The following MTSS2 variants were observed in gnomAD, a reference collection of about 807,000 sequenced individuals.
MTSS2 encodes protein MTSS 2.
In MTSS2, 27 loss-of-function variants were observed where a neutral mutation model predicts 67.1. The ratio of observed to expected loss-of-function variants is 0.40; its 90% confidence interval spans 0.30 to 0.55. MTSS2 has a LOEUF of 0.55. Ranked by LOEUF, MTSS2 falls within the 20% of genes least tolerant of loss-of-function variation. MTSS2 has a pLI of 0.43. For missense variants in MTSS2, 1,171 were observed against 1,067.8 expected (o/e 1.10, Z -1.35); for synonymous variants, 624 against 468.6 (o/e 1.33, Z -4.28).
intron 11 of MTSS2, among the ~76,000 whole-genome samples, chr16:70,671,993 G>T (rs2052952705): frequency 1.3e-5 from 2 of 152,142 alleles, no homozygotes; most frequent in Admixed American, 1.3e-4. Context: ...AAACAAAGAG[G>T]GACAGGTGTG....
At chr16:70,668,380 C>T (rs1054341666) in intron 11 of MTSS2, among the ~76,000 whole-genome samples, 17 of 150,608 alleles carry the variant, frequency 1.1e-4, no homozygotes, top group Non-Finnish European at 4.4e-5. Flanking sequence ...TGCACTCCAG[C>T]CTGGGGGACA....
intron 9 of MTSS2, among the ~76,000 whole-genome samples, chr16:70,677,571 TCTA>T (rs1352732016): frequency 6.6e-6 from 1 of 152,164 alleles, no homozygotes; most frequent in Non-Finnish European, 1.5e-5. Flanking sequence ...ACTTCACCCA[TCTA>T]CTCTGAGTCT....
At position 70,663,536 on chromosome 16, in the gene MTSS2, G is replaced by C. The variant is rs1225255717; in HGVS notation, c.*141C>G. On this transcript the variant is annotated 3_prime_UTR_variant, in exon 15 of 15. Transcript: ENST00000338779. ...TGTTTAAATGCTGGAATCCAAGTGA[G>C]GTGTCTTTCCATAAAGTGGCATGGC... 7.3e-7 allele frequency: 1 copy of C among 1,373,188 alleles called. No homozygotes were observed. Among genetic ancestry groups the C allele is most frequent in the Non-Finnish European group, 9.5e-7 (1 of 1,047,292 alleles). 85.1% of individuals were successfully genotyped at this position (1,373,188 alleles called of 1,614,324 possible).
Position 70,674,432 on chromosome 16 carries a change from G to T in MTSS2, c.927C>A (p.Ser309Arg), listed in dbSNP as rs559783450. Residue 309 changes from serine to arginine, a missense_variant, in exon 11 of 15, where the codon AGC becomes AGA. Ser to Arg is a moderately radical substitution (Grantham distance 110). This residue lies in a region of MTSS2 where 924 missense variants were observed against 756.0 expected (regional missense o/e 1.22). Transcript: ENST00000338779. The part of the protein sequence containing the change: ...YSPSSTCRYR[S>R]LAQPATTTAR... ...CGGTGGTGGTGGCTGGCTGCGCCAG[G>T]CTGCGGTAGCGACAGGTGGAACTGG... The T allele has an allele frequency of 1.9e-6, 3 of 1,614,098 alleles. No homozygotes were observed. Among genetic ancestry groups the T allele is most frequent in the African/African-American group, 2.7e-5 (2 of 74,952 alleles).
chr16:70,678,303 G>A lies in MTSS2; in HGVS notation c.573C>T (p.Ile191=), dbSNP rs3813907. The A allele has an allele frequency of 5.0e-6, 8 of 1,612,324 alleles. No individual in the cohort carries two copies. Among genetic ancestry groups the A allele is most frequent in the African/African-American group, 4.0e-5 (3 of 74,946 alleles). ...TEKQAVRRAL[I]EERGRFCTFI... Reference sequence around the variant, plus strand: ...AGGTGCAGAAGCGGCCCCGCTCCTCGATCAGCGCCCGGCGCACGGCCTGCT... The same window carrying A: ...AGGTGCAGAAGCGGCCCCGCTCCTCAATCAGCGCCCGGCGCACGGCCTGCT... The change falls in exon 8 of 15, where the codon ATC becomes ATT. Residue 191 remains isoleucine, a synonymous_variant. Coordinates refer to ENST00000338779, the MANE Select transcript of MTSS2 (RefSeq NM_138383.3).
At position 70,663,763 on chromosome 16, in the gene MTSS2, C is replaced by A; in HGVS notation, c.2158G>T (p.Ala720Ser). The part of the protein sequence containing the change: ...PPPAATSDPP[A>S]EDMLVAIRRG... Reference sequence around the variant, plus strand: ...CGGATGGCCACCAGCATGTCTTCGGCCGGGGGGTCGCTGGTGGCGGCTGGG... The same window carrying A: ...CGGATGGCCACCAGCATGTCTTCGGACGGGGGGTCGCTGGTGGCGGCTGGG... The change falls in exon 15 of 15, where the codon GCC becomes TCC. Residue 720 changes from alanine to serine, a missense_variant. Transcript: ENST00000338779. 2 of 1,540,490 alleles carry A rather than the reference C, an allele frequency of 1.3e-6. No homozygotes were observed. Among genetic ancestry groups the A allele is most frequent in the Non-Finnish European group, 8.7e-7 (1 of 1,146,084 alleles).
At chr16:70,679,153 G>A (rs939654838) in intron 7 of MTSS2, among the ~76,000 whole-genome samples, 162 bp downstream of exon 7, 1 of 152,070 alleles carries the variant, frequency 6.6e-6, no homozygotes, top group Admixed American at 6.5e-5. Context: ...GACCCCGGGG[G>A]CCCCAGGGGG....
At chr16:70,675,973 C>T (rs1453808513) in intron 10 of MTSS2, among the ~76,000 whole-genome samples, 2 of 152,224 alleles carry the variant, frequency 1.3e-5, no homozygotes, top group African/African-American at 2.4e-5. Flanking sequence ...AGCCTCTGCC[C>T]CTGCTCATGG....
intron 11 of MTSS2, among the ~76,000 whole-genome samples, chr16:70,674,002 A>G (rs186387936): frequency 3.0e-4 from 46 of 152,364 alleles, no homozygotes; most frequent in African/African-American, 1.0e-3. Context: ...TATGTCAGTA[A>G]ATACAAAGGG....
chr16:70,683,814 G>T (rs1324225922), intron 1 of MTSS2, among the ~76,000 whole-genome samples: 2 of 152,202 alleles, frequency 1.3e-5, no homozygotes, highest in African/African-American at 4.8e-5. Context: ...GCCACCGAGG[G>T]GAAAATCCAG....
intron 3 of MTSS2, among the ~76,000 whole-genome samples, chr16:70,680,587 T>G (rs1407628134): frequency 6.6e-6 from 1 of 151,956 alleles, no homozygotes; most frequent in Non-Finnish European, 1.5e-5. Context: ...CGGGGAACAC[T>G]CCTGTCACTA....
At chr16:70,682,687 G>A (rs2053338231) in intron 1 of MTSS2, among the ~76,000 whole-genome samples, 1 of 147,336 alleles carries the variant, frequency 6.8e-6, no homozygotes, top group African/African-American at 2.5e-5. Context: ...GGACCCCAGA[G>A]ACAAAGAGCT....
intron 11 of MTSS2, among the ~76,000 whole-genome samples, chr16:70,673,162 T>TCAAAACAAAA (rs771651539): frequency 2.6e-5 from 4 of 151,812 alleles, no homozygotes; most frequent in African/African-American, 9.7e-5. Flanking sequence ...AGATCGTGTC[T>TCAAAACAAAA]CAAAACAAAA....
At chr16:70,680,510 A>C (rs774356854) in intron 3 of MTSS2, among the ~76,000 whole-genome samples, 10 of 152,186 alleles carry the variant, frequency 6.6e-5, no homozygotes, top group Non-Finnish European at 1.2e-4. Flanking sequence ...ATGAGTGGGA[A>C]GAAGCCCTAA....
At chr16:70,678,014 T>G in intron 8 of MTSS2, 115 bp from the exon 9 acceptor site, 1 of 1,005,852 alleles carries the variant, frequency 9.9e-7, no homozygotes, top group Non-Finnish European at 1.5e-6. Context: ...CCCTCCTCGC[T>G]AACCAATGCT....
intron 8 of MTSS2, 132 bp from the exon 9 acceptor site, chr16:70,678,031 G>T: frequency 1.0e-6 from 1 of 959,914 alleles, no homozygotes; most frequent in Non-Finnish European, 1.6e-6. Context: ...TGCTGCTCGG[G>T]GCTGGTGCAG....
At chr16:70,674,283 T>C in intron 11 of MTSS2, 23 bp downstream of exon 11, 1 of 1,606,546 alleles carries the variant, frequency 6.2e-7, no homozygotes, top group Non-Finnish European at 8.5e-7. Flanking sequence ...CCACCCTGAC[T>C]GATCCTCCTA....
chr16:70,672,234 C>G (rs1597810278), intron 11 of MTSS2, among the ~76,000 whole-genome samples: 1 of 150,976 alleles, frequency 6.6e-6, no homozygotes, highest in South Asian at 2.1e-4. Context: ...GTAATCCCAG[C>G]TACTTGGGAG....
chr16:70,679,898 C>G (rs1597824887), intron 4 of MTSS2, 21 bp from the exon 5 acceptor site: 1 of 1,580,244 alleles, frequency 6.3e-7, no homozygotes, highest in South Asian at 1.1e-5. Context: ...CGGGCGGGAG[C>G]GCAGGTCAGG....
Sources: allele counts gnomAD v4.1 joint callset (sites outside exome capture counted in the v4.1 genomes callset), GRCh38; gene constraint gnomAD v4.1.1; regional missense constraint gnomAD v4.1.1; transcripts MANE v1.5; gene names NCBI Gene and HGNC (gene_info 2026-07-23, HGNC 2026-07-21).